The following MAGI2 variants were observed in gnomAD, a reference collection of about 807,000 sequenced individuals.
MAGI2 encodes the protein membrane-associated guanylate kinase, WW and PDZ domain-containing protein 2.
A neutral mutation model predicts 133.3 loss-of-function variants in MAGI2; 35 were observed. That is an observed-to-expected ratio of 0.26 (90% CI 0.20 to 0.35). The LOEUF is 0.35. MAGI2 is among the 10% of genes least tolerant of loss of function. The probability of loss-of-function intolerance (pLI) is 1.00; values close to 1 mark genes in which losing one functional copy is unlikely to be tolerated. For missense variants in MAGI2, 1,636 were observed against 1,863.4 expected (o/e 0.88, Z 2.25); for synonymous variants, 729 against 710.6 (o/e 1.03, Z -0.41).
chr7:78,099,733 A>T (rs1358860900), intron 20 of MAGI2, among the ~76,000 whole-genome samples: 1 of 152,264 alleles, frequency 6.6e-6, no homozygotes, highest in East Asian at 1.9e-4. Flanking sequence ...AACTGTTACC[A>T]TGTTCTCTTG....
intron 6 of MAGI2, among the ~76,000 whole-genome samples, chr7:78,438,745 A>G (rs889277070): frequency 6.6e-6 from 1 of 152,144 alleles, no homozygotes; most frequent in African/African-American, 2.4e-5. Flanking sequence ...AAGGCACAGA[A>G]ATGGATTTTC....
chr7:79,309,703 A>G (rs929782042), intron 1 of MAGI2, among the ~76,000 whole-genome samples: 1 of 151,994 alleles, frequency 6.6e-6, no homozygotes, highest in Non-Finnish European at 1.5e-5. Flanking sequence ...TCAACTTATC[A>G]GATCTTTCAT....
At chr7:78,028,709 G>T (rs1809221982) in intron 21 of MAGI2, among the ~76,000 whole-genome samples, 1 of 152,046 alleles carries the variant, frequency 6.6e-6, no homozygotes. Context: ...ACAAAAATTA[G>T]CTGGGCATGG....
intron 20 of MAGI2, among the ~76,000 whole-genome samples, chr7:78,103,092 A>G (rs1818347281): frequency 6.6e-6 from 1 of 152,150 alleles, no homozygotes; most frequent in Admixed American, 6.5e-5. Context: ...TTAAAATCCC[A>G]TTTAAACTTC....
chr7:78,027,855 T>A (rs1809111683), intron 21 of MAGI2, among the ~76,000 whole-genome samples: 2 of 152,204 alleles, frequency 1.3e-5, no homozygotes. Context: ...AATTATTCTG[T>A]AAAAATATCC....
At chr7:78,431,301 G>C (rs1799770679) in intron 6 of MAGI2, among the ~76,000 whole-genome samples, 1 of 152,058 alleles carries the variant, frequency 6.6e-6, no homozygotes, top group African/African-American at 2.4e-5. Flanking sequence ...TGTGAAGGCA[G>C]ATCACAGTTT....
chr7:78,838,111 A>T (rs941428952), intron 2 of MAGI2, among the ~76,000 whole-genome samples: 1 of 152,122 alleles, frequency 6.6e-6, no homozygotes, highest in Non-Finnish European at 1.5e-5. Context: ...TTGAGATATA[A>T]ATGAGTAACA....
At chr7:78,548,335 C>A (rs1184346089) in intron 3 of MAGI2, among the ~76,000 whole-genome samples, 3 of 152,162 alleles carry the variant, frequency 2.0e-5, no homozygotes, top group South Asian at 2.1e-4. Context: ...CTGGTTTGAG[C>A]TTTTGGAACA....
chr7:78,247,975 A>G (rs1304021119), intron 10 of MAGI2, among the ~76,000 whole-genome samples: 1 of 152,238 alleles, frequency 6.6e-6, no homozygotes, highest in Admixed American at 6.5e-5. Context: ...TGAAGCTTAC[A>G]GGTTCCCAAA....
intron 1 of MAGI2, among the ~76,000 whole-genome samples, chr7:79,156,050 T>G (rs1253461723): frequency 6.6e-6 from 1 of 152,100 alleles, no homozygotes; most frequent in Non-Finnish European, 1.5e-5. Flanking sequence ...AAAATCAGAC[T>G]GTGATGTTAA....
rs142565220 is a variant in MAGI2 at position 78,346,006 on chromosome 7, G to C, written c.1141C>G (p.Leu381Val). Residue 381 changes from leucine to valine, a missense_variant, in exon 8 of 22, where the codon CTG becomes GTG. Around this residue, in one of 5 missense-constraint regions of MAGI2, gnomAD observed 920 missense variants for 1,093.5 expected, o/e 0.84. Coordinates refer to ENST00000354212, the MANE Select transcript of MAGI2 (RefSeq NM_012301.4). ...TGCTGTAGCTTCCTTTTTGCTTCCA[G>C]GACAGGATTTTCAAACTGTGTTCTT... ...NRRTQFENPV[L>V]EAKRKLQQHN... The C allele has an allele frequency of 2.5e-5, 40 of 1,613,984 alleles. 2 individuals are homozygous for C. In the Admixed American group the frequency reaches 3.7e-4, roughly 15 times the overall value.
At chr7:78,573,256 A>T (rs1363707260) in intron 3 of MAGI2, among the ~76,000 whole-genome samples, 4 of 33,698 alleles carry the variant, frequency 1.2e-4, no homozygotes, top group East Asian at 3.8e-3. Context: ...AAATATATAT[A>T]AATATAAATA....
intron 2 of MAGI2, among the ~76,000 whole-genome samples, chr7:78,893,272 A>C (rs1161059321): frequency 6.6e-6 from 1 of 152,194 alleles, no homozygotes; most frequent in African/African-American, 2.4e-5. Context: ...ACACTTTTAC[A>C]CTGTTGGTGG....
intron 6 of MAGI2, among the ~76,000 whole-genome samples, chr7:78,426,703 C>A (rs1584051270): frequency 6.6e-6 from 1 of 151,748 alleles, no homozygotes; most frequent in African/African-American, 2.4e-5. Flanking sequence ...AATTGAAATT[C>A]CTGAAGGTGA....
At chr7:78,573,345 T>TATATATATAG (rs1801897787) in intron 3 of MAGI2, among the ~76,000 whole-genome samples, 3 of 65,148 alleles carry the variant, frequency 4.6e-5, no homozygotes, top group African/African-American at 2.3e-4. Context: ...TATATATATA[T>TATATATATAG]AGAGAGAGAG....
In MAGI2 at chr7:78,512,552, C is replaced by T. The variant is rs1282139185; in HGVS notation, c.754+8878G>A. On this transcript the variant is annotated intron_variant, in intron 4 of 21. Transcript: ENST00000354212. ...TCCCGAGTAACTGGGACTACAGGGG[C>T]GTGCCACCACGATGGGCTGATTTTT... 2.6e-5 allele frequency among the ~76,000 whole-genome samples: 4 copies of T among 152,132 alleles called. No individual in the cohort carries two copies. The South Asian group carries it at 8.3e-4, about 32-fold the overall frequency.
At chr7:78,353,493 G>C (rs1343479213) in intron 7 of MAGI2, among the ~76,000 whole-genome samples, 1 of 152,126 alleles carries the variant, frequency 6.6e-6, no homozygotes, top group East Asian at 1.9e-4. Flanking sequence ...TTTCAAACAG[G>C]GATATCCTGC....
At chr7:78,362,925 TCA>T (rs1225115767) in intron 7 of MAGI2, among the ~76,000 whole-genome samples, 2 of 152,186 alleles carry the variant, frequency 1.3e-5, no homozygotes, top group African/African-American at 2.4e-5. Context: ...CTTAGAAAAC[TCA>T]GTTAACTCCT....
At chr7:78,957,670 T>C (rs1364793990) in intron 2 of MAGI2, among the ~76,000 whole-genome samples, 3 of 152,110 alleles carry the variant, frequency 2.0e-5, no homozygotes, top group Admixed American at 2.0e-4. Context: ...ATAATTTCGT[T>C]TTTACAGAAG....
Sources: gnomAD v4.1 joint callset for allele counts (sites outside exome capture counted in the v4.1 genomes callset) on GRCh38, gnomAD v4.1.1 for gene constraint, gnomAD v4.1.1 regional missense constraint, MANE v1.5 for transcripts, NCBI Gene and HGNC (gene_info 2026-07-23, HGNC 2026-07-21) for gene names.